Variants in NPAT observed in about 807,000 individuals in gnomAD.
NPAT encodes nuclear protein, coactivator of histone transcription.
A neutral mutation model predicts 130.7 loss-of-function variants in NPAT; 52 were observed. The observed-to-expected ratio is 0.40, with a 90% CI of 0.32 to 0.50. The LOEUF (loss-of-function observed/expected upper bound fraction) is 0.50, where lower values mean the gene tolerates loss of function less well. NPAT is among the 20% of genes least tolerant of loss of function. NPAT has a pLI of 0.68. For missense variants in NPAT, 1,687 were observed against 1,662.6 expected (o/e 1.01, Z -0.26); for synonymous variants, 580 against 584.8 (o/e 0.99, Z 0.12).
intron 3 of NPAT, 136 bp downstream of exon 3, chr11:108,193,821 T>C (rs1172029063): frequency 1.8e-6 from 1 of 560,850 alleles, no homozygotes; most frequent in Admixed American, 3.4e-5. Context: ...CCAGAAAAAT[T>C]TATCTCATTA....
At chr11:108,190,171 G>T (rs980771249) in intron 5 of NPAT, among the ~76,000 whole-genome samples, 1 of 151,326 alleles carries the variant, frequency 6.6e-6, no homozygotes, top group Non-Finnish European at 1.5e-5. Flanking sequence ...AAATTAGCTG[G>T]GTGTGGTGGC....
chr11:108,184,711 G>A (rs1331543886), intron 10 of NPAT, among the ~76,000 whole-genome samples: 1 of 151,904 alleles, frequency 6.6e-6, no homozygotes, highest in African/African-American at 2.4e-5. Flanking sequence ...TTGTATTTTT[G>A]GTAGAGATGG....
At chr11:108,179,799 T>G (rs2134848121) in intron 10 of NPAT, among the ~76,000 whole-genome samples, 1 of 151,430 alleles carries the variant, frequency 6.6e-6, no homozygotes, top group East Asian at 2.0e-4. Flanking sequence ...TAGAAATAAA[T>G]AAATAAAATA....
At chr11:108,205,300 G>A (rs2078315312) in intron 1 of NPAT, among the ~76,000 whole-genome samples, 1 of 152,188 alleles carries the variant, frequency 6.6e-6, no homozygotes, top group Admixed American at 6.5e-5. Flanking sequence ...TCACTCTGTT[G>A]CCCAGGCTGA....
intron 8 of NPAT, among the ~76,000 whole-genome samples, 193 bp downstream of exon 8, chr11:108,186,289 T>C (rs1328961197): frequency 6.6e-6 from 1 of 152,226 alleles, no homozygotes; most frequent in Non-Finnish European, 1.5e-5. Flanking sequence ...AGTGCTGGGA[T>C]TACAGGTGTT....
chr11:108,190,460 C>T lies in NPAT; in HGVS notation c.331G>A (p.Ala111Thr), dbSNP rs754085727. The T allele has an allele frequency of 6.2e-7, 1 of 1,612,996 alleles. No homozygotes were observed. The change falls in exon 5 of 18, where the codon GCC becomes ACC. Residue 111 changes from alanine (A) to threonine (T), a missense_variant and splice_region_variant. Physicochemically the swap from Ala to Thr is moderately conservative, Grantham distance 58 (BLOSUM62 0). Around this residue, in one of 3 missense-constraint regions of NPAT, gnomAD observed 307 missense variants for 298.9 expected, o/e 1.03. Transcript: ENST00000278612. The part of the protein sequence containing the change: ...SSPRFAGSQR[A>T]RTRTGIAEIK... Reference sequence around the variant, plus strand: ...ACATTGTTTAAAGTTGGATACCAACCTCTCTGACTGCCAGCAAACCTTGGG... The same window carrying T: ...ACATTGTTTAAAGTTGGATACCAACTTCTCTGACTGCCAGCAAACCTTGGG...
intron 15 of NPAT, among the ~76,000 whole-genome samples, chr11:108,162,497 C>A (rs2134820801): frequency 6.6e-6 from 1 of 152,332 alleles, no homozygotes; most frequent in East Asian, 1.9e-4. Context: ...GTGGCATGAT[C>A]TCGGCTCACT....
At chr11:108,165,223 A>C (rs943030487) in intron 15 of NPAT, among the ~76,000 whole-genome samples, 9 of 151,844 alleles carry the variant, frequency 5.9e-5, no homozygotes, top group Non-Finnish European at 1.3e-4. Flanking sequence ...AGAAACTTTA[A>C]ATTCTAGAGT....
intron 1 of NPAT, among the ~76,000 whole-genome samples, chr11:108,207,826 C>T (rs1004793819): frequency 1.3e-5 from 2 of 152,202 alleles, no homozygotes; most frequent in Non-Finnish European, 2.9e-5. Flanking sequence ...GGACAGGGCA[C>T]CCATCTGTTC....
intron 1 of NPAT, chr11:108,208,581 C>A (rs1388984446): frequency 6.6e-6 from 2 of 304,148 alleles, no homozygotes; most frequent in South Asian, 4.4e-5. Flanking sequence ...GGGTGAGACC[C>A]TGTCTTTAAA....
At chr11:108,204,959 A>G (rs1350977467) in intron 1 of NPAT, among the ~76,000 whole-genome samples, 1 of 151,884 alleles carries the variant, frequency 6.6e-6, no homozygotes, top group Non-Finnish European at 1.5e-5. Flanking sequence ...TAATGTCTAG[A>G]AACGTGCAAA....
intron 4 of NPAT, among the ~76,000 whole-genome samples, chr11:108,191,666 A>G (rs1041834631): frequency 6.6e-6 from 1 of 152,246 alleles, no homozygotes; most frequent in Non-Finnish European, 1.5e-5. Context: ...CTATAGTCAA[A>G]TATGAGATTT....
chr11:108,169,660 T>C (rs2077931559), intron 15 of NPAT, 84 bp downstream of exon 15: 2 of 995,422 alleles, frequency 2.0e-6, no homozygotes, highest in Non-Finnish European at 3.2e-6. Flanking sequence ...GGTTTAGGTA[T>C]TCAGAAAGAA....
chr11:108,217,271 C>A (rs1262240454), intron 1 of NPAT, among the ~76,000 whole-genome samples: 1 of 152,196 alleles, frequency 6.6e-6, no homozygotes, highest in Non-Finnish European at 1.5e-5. Context: ...TAGGCTCTAG[C>A]TACCTGCAAC....
chr11:108,178,369 AG>A (rs2078028792), intron 10 of NPAT, among the ~76,000 whole-genome samples: 1 of 152,182 alleles, frequency 6.6e-6, no homozygotes, highest in Admixed American at 6.5e-5. Flanking sequence ...TATGAGAAAT[AG>A]GGAGTAGATA....
rs555287129 is a variant in NPAT, at chr11:108,181,440, G to C, written c.906+3792C>G. Among the ~76,000 whole-genome samples, 10 of 151,200 alleles carry C rather than the reference G, an allele frequency of 6.6e-5. No homozygotes were observed. In the East Asian group the frequency reaches 1.9e-3, roughly 29 times the overall value. ...AGATCACACCACTGCATTCCAGCCA[G>C]GGTGACAGAGCGAGACTCTGTCTCA... On this transcript the variant is annotated intron_variant, in intron 10 of 17. Coordinates refer to ENST00000278612, the MANE Select transcript of NPAT (RefSeq NM_002519.3).
rs199593199 is a variant in NPAT at position 108,185,203 on chromosome 11, G to A, written c.906+29C>T. The A allele has an allele frequency of 6.5e-5, 92 of 1,425,542 alleles. No individual in the cohort carries two copies. In the African/African-American group the frequency reaches 1.1e-3, roughly 17 times the overall value. 88.3% of individuals were successfully genotyped at this position (1,425,542 alleles called of 1,614,324 possible). On this transcript the variant is annotated intron_variant, in intron 10 of 17. Coordinates refer to ENST00000278612, the MANE Select transcript of NPAT (RefSeq NM_002519.3). ...AATCTTAAGTATAAGTAACACACAC[G>A]CACCCATGCACACCCCAACCACCCA...
chr11:108,176,858 T>C, intron 11 of NPAT, 136 bp downstream of exon 11: 1 of 651,858 alleles, frequency 1.5e-6, no homozygotes, highest in Non-Finnish European at 2.8e-6. Context: ...TCCTTTAACA[T>C]ATCCATATAA....
intron 15 of NPAT, among the ~76,000 whole-genome samples, chr11:108,163,208 T>C (rs1482632453): frequency 6.6e-6 from 1 of 152,050 alleles, no homozygotes; most frequent in Admixed American, 6.6e-5. Flanking sequence ...GCCTCCCGAG[T>C]AGCTGGGATT....
Sources: allele counts gnomAD v4.1 joint callset (sites outside exome capture counted in the v4.1 genomes callset), GRCh38; gene constraint gnomAD v4.1.1; regional missense constraint gnomAD v4.1.1; transcripts MANE v1.5; gene names NCBI Gene and HGNC (gene_info 2026-07-23, HGNC 2026-07-21).